MSI2: variants seen among roughly 807,000 people sequenced by gnomAD.
The protein encoded by MSI2 is musashi RNA binding protein 2.
A neutral mutation model predicts 45.6 loss-of-function variants in MSI2; 17 were observed. The observed-to-expected ratio is 0.37, with a 90% CI of 0.26 to 0.56. The LOEUF is 0.56. Among genes scored for constraint, MSI2 ranks in the 20% least tolerant of loss-of-function variants. The pLI, the probability that MSI2 is intolerant of heterozygous loss-of-function variation, is 0.77. For synonymous variants in MSI2, 156 were observed against 158.2 expected (o/e 0.99, Z 0.11); for missense variants, 293 against 444.2 (o/e 0.66, Z 3.06).
At chr17:57,383,298 G>A (rs914030077) in intron 5 of MSI2, among the ~76,000 whole-genome samples, 6 of 152,214 alleles carry the variant, frequency 3.9e-5, no homozygotes, top group Admixed American at 6.5e-5. Context: ...AAAATACATC[G>A]CCCATCAGCC....
At chr17:57,594,317 T>C (rs1905091736) in intron 7 of MSI2, among the ~76,000 whole-genome samples, 1 of 151,366 alleles carries the variant, frequency 6.6e-6, no homozygotes, top group Non-Finnish European at 1.5e-5. Flanking sequence ...CCTAGGAGGG[T>C]GGGGCTGGGG....
At chr17:57,349,912 T>C (rs900250649) in intron 5 of MSI2, among the ~76,000 whole-genome samples, 1 of 152,198 alleles carries the variant, frequency 6.6e-6, no homozygotes, top group African/African-American at 2.4e-5. Flanking sequence ...GAAATAATTT[T>C]TTACTCTAAG....
intron 6 of MSI2, among the ~76,000 whole-genome samples, chr17:57,489,680 G>A (rs1316414320): frequency 6.6e-6 from 1 of 152,166 alleles, no homozygotes; most frequent in African/African-American, 2.4e-5. Flanking sequence ...CTCCTCCCTG[G>A]CACATGCAGC....
chr17:57,624,520 G>A (rs184365371), intron 9 of MSI2, among the ~76,000 whole-genome samples: 20 of 152,278 alleles, frequency 1.3e-4, no homozygotes, highest in Admixed American at 7.2e-4. Context: ...TTCTTTCTCC[G>A]TCGGGTTGCT....
At chr17:57,632,210 C>G in intron 10 of MSI2, 2 of 1,119,318 alleles carry the variant, frequency 1.8e-6, no homozygotes, top group Non-Finnish European at 2.2e-6. Flanking sequence ...GGGGACATAT[C>G]ATGGGGTGAG....
At chr17:57,260,687 CTATTT>C (rs1907228409) in intron 4 of MSI2, among the ~76,000 whole-genome samples, 1 of 152,078 alleles carries the variant, frequency 6.6e-6, no homozygotes, top group African/African-American at 2.4e-5. Context: ...AGATTTTTGT[CTATTT>C]TAGTTTTTGA....
At chr17:57,305,593 A>G (rs1049293859) in intron 5 of MSI2, among the ~76,000 whole-genome samples, 2 of 152,152 alleles carry the variant, frequency 1.3e-5, no homozygotes, top group African/African-American at 4.8e-5. Context: ...GGTGCGTTTG[A>G]TATCGGGCAG....
the MSI2 span, among the ~76,000 whole-genome samples, chr17:57,695,067 T>G: frequency 6.6e-6 from 1 of 152,184 alleles, no homozygotes; most frequent in Non-Finnish European, 1.5e-5. Flanking sequence ...ATGTCATAGC[T>G]GAAAAAGCAC....
At chr17:57,405,878 G>C (rs1203756869) in intron 6 of MSI2, among the ~76,000 whole-genome samples, 1 of 152,186 alleles carries the variant, frequency 6.6e-6, no homozygotes, top group Non-Finnish European at 1.5e-5. Flanking sequence ...CAAGTGAGAT[G>C]GTTGGCAGAT....
Sources: allele counts gnomAD v4.1 joint callset (sites outside exome capture counted in the v4.1 genomes callset), GRCh38; gene constraint gnomAD v4.1.1; transcripts MANE v1.5; gene names NCBI Gene and HGNC (gene_info 2026-07-23, HGNC 2026-07-21).